Variants in CBLN4 observed in about 807,000 individuals in gnomAD.
The protein encoded by CBLN4 is cerebellin 4 precursor.
In CBLN4, 7 loss-of-function variants were observed where a neutral mutation model predicts 14.9. The ratio of observed to expected loss-of-function variants is 0.47; its 90% CI spans 0.27 to 0.88. The LOEUF is 0.88. CBLN4 is among the 40% of genes least tolerant of loss of function. CBLN4 has a pLI of 0.14. For synonymous variants in CBLN4, 131 were observed against 116.5 expected (o/e 1.12, Z -0.80); for missense variants, 188 against 256.8 (o/e 0.73, Z 1.83).
chr20:56,002,103 C>A (rs1053465246), intron 1 of CBLN4, among the ~76,000 whole-genome samples: 6 of 152,240 alleles, frequency 3.9e-5, no homozygotes, highest in South Asian at 2.1e-4. Flanking sequence ...GGGCAACATA[C>A]CAGAATGTAG....
rs1418529928 is a variant in CBLN4, at chr20:56,000,801, A to G, written c.338T>C (p.Val113Ala). 6.3e-7 allele frequency: 1 copy of G among 1,599,068 alleles called. No homozygotes were observed. The highest frequency in any genetic ancestry group is 8.5e-7 in the Non-Finnish European group (1 of 1,173,396). ...ACTGTAAATTCCTTTTCTTGGTGCT[A>G]CAAAGACAGACTCCAATGTGAAAAA... ...GNFFTLESVF[V>A]APRKGIYSFS... is the part of the protein sequence containing the mutation. The change falls in exon 2 of 3, where the codon GTA (valine) becomes GCA (alanine). Residue 113 changes from valine (V) to alanine (A), a missense_variant. By Grantham distance (64) the Val-to-Ala change is moderately conservative (BLOSUM62 0). Coordinates refer to ENST00000064571, the MANE Select transcript of CBLN4 (RefSeq NM_080617.6).
At position 56,004,082 on chromosome 20, in the gene CBLN4, G is replaced by T; in HGVS notation, c.90C>A (p.Asp30Glu). 1 of 1,612,944 alleles carries T rather than the reference G, an allele frequency of 6.2e-7. No homozygotes were observed. Among genetic ancestry groups the T allele is most frequent in the Non-Finnish European group, 8.5e-7 (1 of 1,179,770 alleles). Reference protein sequence around the residue: ...LPGLPVWAQNDTEPIVLEGKC... With the variant: ...LPGLPVWAQNETEPIVLEGKC... ...TGCCCTCCAGCACGATGGGCTCCGT[G>T]TCGTTCTGTGCCCAGACGGGCAGCC... Residue 30 changes from aspartate (D) to glutamate (E), a missense_variant, in exon 1 of 3, where the codon GAC becomes GAA. Physicochemically the swap from Asp to Glu is conservative, Grantham distance 45. Transcript: ENST00000064571. This position sits in a 1 kb window ranked among gnomAD's most constrained non-coding sequence, Gnocchi z 6.1.
chr20:56,004,235 C>G lies in CBLN4; in HGVS notation c.-64G>C, dbSNP rs542320813. The G allele has an allele frequency of 7.4e-7, 1 of 1,352,718 alleles. No homozygotes were observed. Among genetic ancestry groups the G allele is most frequent in the Non-Finnish European group, 9.5e-7 (1 of 1,054,954 alleles). The allele number at this position is 1,352,718 out of a possible 1,614,324, so 83.8% of individuals were successfully genotyped here. A position where few individuals can be genotyped will look rare whatever the true frequency, so the allele number is the denominator to read the frequency against. On this transcript the variant is annotated 5_prime_UTR_variant, in exon 1 of 3. Transcript: ENST00000064571. The surrounding 1 kb of genome is among the most constrained non-coding windows in gnomAD (Gnocchi z 6.1). ...TGCTCGCCCGCGTCGCCTCCTACCC[C>G]GGGATCCCGGTGCTCGGGAAGATGC...
chr20:56,000,303 G>A (rs1041056866), intron 2 of CBLN4, among the ~76,000 whole-genome samples: 2 of 152,094 alleles, frequency 1.3e-5, no homozygotes, highest in Admixed American at 1.3e-4. Flanking sequence ...CTGATTAGCT[G>A]TATCTCATAA....
In CBLN4 at chr20:55,998,449, C is replaced by A; in HGVS notation, c.*108G>T. 8.1e-7 allele frequency: 1 copy of A among 1,233,518 alleles called. No homozygotes were observed. The highest frequency in any genetic ancestry group is 2.5e-5 in the East Asian group (1 of 40,676). The allele number at this position is 1,233,518 out of a possible 1,614,324, so 76.4% of individuals were successfully genotyped here. On this transcript the variant is annotated 3_prime_UTR_variant, in exon 3 of 3. Coordinates refer to ENST00000064571, the MANE Select transcript of CBLN4 (RefSeq NM_080617.6). Reference sequence around the variant, plus strand: ...AGAATCCTTAGAATCCATATCCACCCATGAGAAACCAATAAAAGACATCAA... The same window carrying A: ...AGAATCCTTAGAATCCATATCCACCAATGAGAAACCAATAAAAGACATCAA...
chr20:55,997,523 C>T lies in CBLN4; in HGVS notation c.*1034G>A, dbSNP rs1003425371. 1.3e-5 allele frequency: 2 copies of T among 152,342 alleles called. No homozygotes were observed. The highest frequency in any genetic ancestry group is 2.9e-5 in the Non-Finnish European group (2 of 67,946). 9.4% of individuals were successfully genotyped at this position (152,342 alleles called of 1,614,324 possible). On this transcript the variant is annotated 3_prime_UTR_variant, in exon 3 of 3. Coordinates refer to ENST00000064571, the MANE Select transcript of CBLN4 (RefSeq NM_080617.6). ...CCTATACAAAAGACAAGATATTGCACTAAATTTAGATATGGGATATTTGAA... is the reference window on the plus strand; with the variant it reads ...CCTATACAAAAGACAAGATATTGCATTAAATTTAGATATGGGATATTTGAA...
At chr20:56,002,678 T>C (rs1986394820) in intron 1 of CBLN4, among the ~76,000 whole-genome samples, 1 of 152,178 alleles carries the variant, frequency 6.6e-6, no homozygotes, top group African/African-American at 2.4e-5. Flanking sequence ...AGATGGAAAA[T>C]ACTGCACCAA....
chr20:56,001,024 C>A (rs1986360842), intron 1 of CBLN4, among the ~76,000 whole-genome samples, 177 bp from the exon 2 acceptor site: 1 of 151,794 alleles, frequency 6.6e-6, no homozygotes. Flanking sequence ...TTCTTGGCAA[C>A]TAGCTTAAGA....
At chr20:55,999,785 G>A (rs1019016522) in intron 2 of CBLN4, among the ~76,000 whole-genome samples, 4 of 152,106 alleles carry the variant, frequency 2.6e-5, no homozygotes, top group Admixed American at 6.5e-5. Context: ...CTTCAATTTT[G>A]ATTACACTGT....
intron 2 of CBLN4, 102 bp from the exon 3 acceptor site, chr20:55,998,856 C>A: frequency 1.2e-6 from 1 of 859,564 alleles, no homozygotes; most frequent in Non-Finnish European, 1.8e-6. Context: ...CAGTAAAATA[C>A]CTGATGTTCA....
In CBLN4 at chr20:56,003,993, A is replaced by C. The variant is rs1394347007; in HGVS notation, c.179T>G (p.Leu60Arg). Residue 60 changes from leucine to arginine, a missense_variant, in exon 1 of 3, where the codon CTG becomes CGG. Physicochemically the swap from Leu to Arg is moderately radical, Grantham distance 102 (BLOSUM62 -2). This residue lies in a region of CBLN4 where 95 missense variants were observed against 99.2 expected (regional missense o/e 0.96). Transcript: ENST00000064571. ...TDSKGSSSSP[L>R]GISVRAANSK... Reference sequence around the variant, plus strand: ...GTTGGCCGCCCGGACCGATATCCCCAGCGGGGAGGAAGAGGAGCCCTTGGA... The same window carrying C: ...GTTGGCCGCCCGGACCGATATCCCCCGCGGGGAGGAAGAGGAGCCCTTGGA... 4 of 1,613,930 alleles carry C rather than the reference A, an allele frequency of 2.5e-6. No individual in the cohort carries two copies. In the African/African-American group the frequency reaches 5.3e-5, roughly 22 times the overall value.
Position 56,005,090 on chromosome 20 carries a change from CATCT to C in CBLN4, c.-923_-920del, listed in dbSNP as rs1239826468. On this transcript the variant is annotated 5_prime_UTR_variant, in exon 1 of 3. It removes an upstream start codon present in the reference 5' UTR. Transcript: ENST00000064571. ...AGGGGGAGAAGGCGTCTGGTGACCC[CATCT>C]GAGCAGCTCTCTCCTGACGTTTAAC... 4.6e-5 allele frequency: 7 copies of C among 152,568 alleles called. No individual in the cohort carries two copies. Among genetic ancestry groups the C allele is most frequent in the African/African-American group, 1.7e-4 (7 of 41,478 alleles). 9.5% of individuals were successfully genotyped at this position (152,568 alleles called of 1,614,324 possible).
intron 2 of CBLN4, 146 bp from the exon 3 acceptor site, chr20:55,998,900 T>A: frequency 1.5e-6 from 1 of 665,724 alleles, no homozygotes. Context: ...AATTAGCCAA[T>A]TGTGGGGGCC....
chr20:55,998,800 C>T, intron 2 of CBLN4, 46 bp from the exon 3 acceptor site: 1 of 1,389,214 alleles, frequency 7.2e-7, no homozygotes, highest in Non-Finnish European at 1.0e-6. Flanking sequence ...TCTTTAAAGT[C>T]AAAACATCTA....
In CBLN4 at chr20:56,000,815, C is replaced by A. The variant is rs1188991078; in HGVS notation, c.324G>T (p.Leu108Phe). The change falls in exon 2 of 3, where the codon TTG (leucine) becomes TTT (phenylalanine). Residue 108 changes from leucine (L) to phenylalanine (F), a missense_variant. Physicochemically the swap from Leu to Phe is conservative, Grantham distance 22. Transcript: ENST00000064571. The stretch of plus-strand genomic sequence containing the variant: ...TTCTTGGTGCTACAAAGACAGACTC[C>A]AATGTGAAAAAATTACCCACATTCA... ...ILVNVGNFFTLESVFVAPRKG... is the reference protein window; with the variant it reads ...ILVNVGNFFTFESVFVAPRKG... 1.9e-6 allele frequency: 3 copies of A among 1,586,582 alleles called. No homozygotes were observed. The highest frequency in any genetic ancestry group is 3.5e-5 in the Admixed American group (2 of 56,594).
rs553852828 is a variant in CBLN4, at chr20:56,005,182, C to T, written c.-1011G>A. On this transcript the variant is annotated 5_prime_UTR_variant, in exon 1 of 3. Coordinates refer to ENST00000064571, the MANE Select transcript of CBLN4 (RefSeq NM_080617.6). ...TGGCAAGGTTCGAGGCCCCTCAGCCCCTGAAAGCCCGTGGCGTAAAGGATG... is the reference window on the plus strand; with the variant it reads ...TGGCAAGGTTCGAGGCCCCTCAGCCTCTGAAAGCCCGTGGCGTAAAGGATG... 4 of 153,002 alleles carry T rather than the reference C, an allele frequency of 2.6e-5. No homozygotes were observed. The highest frequency in any genetic ancestry group is 6.5e-5 in the Admixed American group (1 of 15,296). 9.5% of individuals were successfully genotyped at this position (153,002 alleles called of 1,614,324 possible).
chr20:56,002,632 A>G (rs1284935160), intron 1 of CBLN4, among the ~76,000 whole-genome samples: 1 of 152,246 alleles, frequency 6.6e-6, no homozygotes, highest in African/African-American at 2.4e-5. Context: ...GCATTGAAAT[A>G]CAAACTAGGG....
At position 55,998,052 on chromosome 20, in the gene CBLN4, G is replaced by GA. The variant is rs200583084; in HGVS notation, c.*504dup. The GA allele has an allele frequency of 4.3e-3, 634 of 146,518 alleles. 5 individuals carry two copies. Among genetic ancestry groups the GA allele is most frequent in the African/African-American group, 0.014 (548 of 40,012 alleles). The allele number at this position is 146,518 out of a possible 1,614,324, so 9.1% of individuals were successfully genotyped here. On this transcript the variant is annotated 3_prime_UTR_variant, in exon 3 of 3. Transcript: ENST00000064571. ...AAGAGAAAACATAATACCAGTTACT[G>GA]AAAAAAAAAATCCAAGTTTTTTACA...
chr20:56,001,746 G>A (rs1337830870), intron 1 of CBLN4, among the ~76,000 whole-genome samples: 1 of 152,124 alleles, frequency 6.6e-6, no homozygotes, highest in African/African-American at 2.4e-5. Flanking sequence ...AATGCATTTT[G>A]TATTCCAAAA....
Sources: allele counts gnomAD v4.1 joint callset (sites outside exome capture counted in the v4.1 genomes callset), GRCh38; gene constraint gnomAD v4.1.1; regional missense constraint gnomAD v4.1.1; non-coding constraint Gnocchi (gnomAD v3.1); transcripts MANE v1.5; gene names NCBI Gene and HGNC (gene_info 2026-07-23, HGNC 2026-07-21).